The following CALCRL variants were observed in gnomAD, a reference collection of about 807,000 sequenced individuals.
CALCRL encodes calcitonin gene-related peptide type 1 receptor.
Under a neutral mutation model 60.4 loss-of-function variants are expected in CALCRL, and 27 were observed. The observed-to-expected ratio is 0.45, with a 90% CI of 0.33 to 0.62. The LOEUF (loss-of-function observed/expected upper bound fraction) is 0.62. CALCRL is among the 20% of genes least tolerant of loss of function. The pLI is 0.03. For synonymous variants in CALCRL, 190 were observed against 182.6 expected (o/e 1.04, Z -0.33); for missense variants, 424 against 540.7 (o/e 0.78, Z 2.14).
At chr2:187,395,660 AG>A (rs1384367140) in intron 1 of CALCRL, among the ~76,000 whole-genome samples, 1 of 152,068 alleles carries the variant, frequency 6.6e-6, no homozygotes, top group Non-Finnish European at 1.5e-5. Context: ...CCTCAATAAA[AG>A]TATTTATCAA....
chr2:187,400,024 T>C (rs1688818640), intron 1 of CALCRL, among the ~76,000 whole-genome samples: 2 of 151,438 alleles, frequency 1.3e-5, no homozygotes, highest in Non-Finnish European at 3.0e-5. Flanking sequence ...AGTTCTGGTG[T>C]TGTATAGACT....
intron 1 of CALCRL, among the ~76,000 whole-genome samples, chr2:187,420,989 G>T (rs1471978145): frequency 6.6e-6 from 1 of 152,112 alleles, no homozygotes; most frequent in Non-Finnish European, 1.5e-5. Context: ...TAATTTACGT[G>T]TTGCCTTTCT....
intron 3 of CALCRL, among the ~76,000 whole-genome samples, chr2:187,386,926 G>A (rs1688228539): frequency 6.6e-6 from 1 of 152,194 alleles, no homozygotes; most frequent in South Asian, 2.1e-4. Context: ...CTGCCATGAT[G>A]TGATGTGCTT....
intron 1 of CALCRL, among the ~76,000 whole-genome samples, chr2:187,389,252 T>C (rs1262803934): frequency 6.6e-6 from 1 of 152,060 alleles, no homozygotes. Context: ...TTTGTATTTT[T>C]AGTAGAGACA....
intron 1 of CALCRL, among the ~76,000 whole-genome samples, chr2:187,423,273 A>G (rs1157390092): frequency 6.6e-6 from 1 of 151,902 alleles, no homozygotes; most frequent in East Asian, 1.9e-4. Flanking sequence ...GTGAACAAGC[A>G]TACTTCTTCC....
At chr2:187,357,216 G>A (rs858754) in intron 12 of CALCRL, among the ~76,000 whole-genome samples, 132,174 of 152,096 alleles carry the variant, frequency 0.87, 57,647 homozygotes, top group African/African-American at 0.91. Context: ...ATGTTTTCTT[G>A]CAGCACTATT....
chr2:187,360,044 C>T (rs1686981186), intron 10 of CALCRL, among the ~76,000 whole-genome samples: 1 of 151,928 alleles, frequency 6.6e-6, no homozygotes, highest in Non-Finnish European at 1.5e-5. Context: ...TTGTATTATT[C>T]TAGTTATTTT....
At chr2:187,428,908 A>AAT (rs751711151) in intron 1 of CALCRL, 1 of 147,652 alleles carries the variant, frequency 6.8e-6, no homozygotes, top group South Asian at 2.1e-4. Flanking sequence ...AAAAAAAAAA[A>AAT]ATTACTGTAA....
rs1686253936 is a variant in CALCRL, at chr2:187,345,991, A to G, written c.*193T>C. The G allele has an allele frequency of 1.0e-5, 5 of 481,670 alleles. No homozygotes were observed. The Admixed American group carries it at 1.9e-4, about 18-fold the overall frequency. 29.8% of individuals were successfully genotyped at this position (481,670 alleles called of 1,614,324 possible). On this transcript the variant is annotated 3_prime_UTR_variant, in exon 15 of 15. Transcript: ENST00000392370. ...GAGTATTTACTGACAAACATTACAA[A>G]CCAGGATTTCTTTTTTCCCACATAG...
chr2:187,384,842 G>A (rs910578244), intron 4 of CALCRL, among the ~76,000 whole-genome samples: 2 of 152,114 alleles, frequency 1.3e-5, no homozygotes, highest in African/African-American at 4.8e-5. Flanking sequence ...TAAGAGCACA[G>A]TCACTGTTTT....
chr2:187,351,284 C>A (rs1183802060), intron 14 of CALCRL, among the ~76,000 whole-genome samples: 5 of 116,134 alleles, frequency 4.3e-5, no homozygotes, highest in Admixed American at 9.8e-5. Context: ...GACTCCGTCT[C>A]AAAAAAAAAA....
At position 187,351,812 on chromosome 2, in the gene CALCRL, A is replaced by G. The variant is rs968323031; in HGVS notation, c.1170+108T>C. The G allele has an allele frequency of 5.7e-6, 4 of 707,942 alleles. No individual in the cohort carries two copies. The Admixed American group carries it at 8.9e-5, about 16-fold the overall frequency. The allele number at this position is 707,942 out of a possible 1,614,324, so 43.9% of individuals were successfully genotyped here. A position where few individuals can be genotyped will look rare whatever the true frequency, so the allele number is the denominator to read the frequency against. On this transcript the variant is annotated intron_variant, in intron 14 of 14. Coordinates refer to ENST00000392370, the MANE Select transcript of CALCRL (RefSeq NM_005795.6). ...TCTTTCCCTGATGGAAACAGAATTT[A>G]ACATGGTTGTTCCTGGGGAATTTAT...
At chr2:187,366,450 G>T (rs1351772863) in intron 8 of CALCRL, among the ~76,000 whole-genome samples, 2 of 151,772 alleles carry the variant, frequency 1.3e-5, no homozygotes, top group African/African-American at 4.8e-5. Context: ...TAAATATTTG[G>T]GAAGATGGAT....
At chr2:187,361,934 C>A (rs1687072453) in intron 9 of CALCRL, among the ~76,000 whole-genome samples, 1 of 151,784 alleles carries the variant, frequency 6.6e-6, no homozygotes, top group African/African-American at 2.4e-5. Flanking sequence ...GTATGTAAAA[C>A]ACAGCATTAT....
chr2:187,403,854 G>A (rs1689000697), intron 1 of CALCRL, among the ~76,000 whole-genome samples: 1 of 151,840 alleles, frequency 6.6e-6, no homozygotes. Context: ...CTAAGTCTGG[G>A]TTATAATTTA....
chr2:187,346,120 G>T lies in CALCRL; in HGVS notation c.*64C>A. On this transcript the variant is annotated 3_prime_UTR_variant, in exon 15 of 15. Transcript: ENST00000392370. Reference sequence around the variant, plus strand: ...AATATTGAAGTCTTCTGGCTACAGAGTCATGGGTCCAAGTCCTTGAGTTAG... The same window carrying T: ...AATATTGAAGTCTTCTGGCTACAGATTCATGGGTCCAAGTCCTTGAGTTAG... 1 of 993,348 alleles carries T rather than the reference G, an allele frequency of 1.0e-6. No individual in the cohort carries two copies. The highest frequency in any genetic ancestry group is 2.7e-4 in the Middle Eastern group (1 of 3,742). 61.5% of individuals were successfully genotyped at this position (993,348 alleles called of 1,614,324 possible). A position where few individuals can be genotyped will look rare whatever the true frequency, so the allele number is the denominator to read the frequency against.
intron 1 of CALCRL, among the ~76,000 whole-genome samples, chr2:187,404,330 C>T (rs1358364730): frequency 6.6e-6 from 1 of 151,744 alleles, no homozygotes; most frequent in Non-Finnish European, 1.5e-5. Context: ...TAAAAAGTTA[C>T]TCTATTAAAT....
intron 1 of CALCRL, among the ~76,000 whole-genome samples, chr2:187,428,059 C>T (rs1393872910): frequency 6.6e-6 from 1 of 152,098 alleles, no homozygotes; most frequent in African/African-American, 2.4e-5. Flanking sequence ...ACTATATACA[C>T]TAAAGAAGAG....
intron 1 of CALCRL, among the ~76,000 whole-genome samples, chr2:187,446,924 A>C (rs73048659): frequency 0.017 from 2,646 of 152,092 alleles, 73 homozygotes; most frequent in African/African-American, 0.06. Context: ...CTTCCAATGC[A>C]GGACATCTTG....
Sources: gnomAD v4.1 joint callset for allele counts (sites outside exome capture counted in the v4.1 genomes callset) on GRCh38, gnomAD v4.1.1 for gene constraint, MANE v1.5 for transcripts, NCBI Gene and HGNC (gene_info 2026-07-23, HGNC 2026-07-21) for gene names.